TMEM135: variants seen among roughly 807,000 people sequenced by gnomAD.
The protein encoded by TMEM135 is transmembrane protein 135, also known as peroxisomal membrane protein 52.
Under a neutral mutation model 60.3 loss-of-function variants are expected in TMEM135, and 30 were observed. That is an observed-to-expected ratio of 0.50 (90% CI 0.37 to 0.68). TMEM135 has a LOEUF of 0.68. Ranked by LOEUF, TMEM135 falls within the 30% of genes least tolerant of loss-of-function variation. The pLI is 0.00. For missense variants in TMEM135, 468 were observed against 548.8 expected, an observed-to-expected ratio of 0.85 and a Z score of 1.47; for synonymous variants, 190 against 186.7, an observed-to-expected ratio of 1.02 and a Z score of -0.14.
chr11:87,221,065 G>T (rs1188123388), intron 5 of TMEM135, among the ~76,000 whole-genome samples: 2 of 152,100 alleles, frequency 1.3e-5, no homozygotes, highest in Non-Finnish European at 1.5e-5. Flanking sequence ...AAGGTAATTT[G>T]TTCAATTCTT....
At chr11:87,052,666 A>G (rs1468314952) in intron 1 of TMEM135, among the ~76,000 whole-genome samples, 1 of 106,942 alleles carries the variant, frequency 9.4e-6, no homozygotes, top group Non-Finnish European at 1.9e-5. Context: ...AGGAAACAAC[A>G]GGTGCTGGAA....
At chr11:87,246,062 C>T (rs1380581290) in intron 6 of TMEM135, among the ~76,000 whole-genome samples, 4 of 145,436 alleles carry the variant, frequency 2.8e-5, no homozygotes, top group Non-Finnish European at 4.5e-5. Flanking sequence ...GACAAAATCT[C>T]TCGGCATTTG....
chr11:87,184,023 C>T (rs996814861), intron 5 of TMEM135, among the ~76,000 whole-genome samples: 2 of 149,512 alleles, frequency 1.3e-5, no homozygotes, highest in Non-Finnish European at 3.0e-5. Flanking sequence ...TCTAAGAGCA[C>T]GTTCAGTGAA....
In TMEM135 at chr11:87,129,213, ATTTTTTTTTTTTTTTTTTTTTTT is replaced by A. The variant is rs71040295; in HGVS notation, c.397-28103_397-28081del. 4.3e-3 allele frequency among the ~76,000 whole-genome samples: 498 copies of A among 116,042 alleles called. 2 individuals are homozygous for A. Among genetic ancestry groups the A allele is most frequent in the Admixed American group, 6.6e-3 (82 of 12,452 alleles). The allele number at this position is 116,042 out of a possible 152,430, so 76.1% of individuals were successfully genotyped here. A position where few individuals can be genotyped will look rare whatever the true frequency, so the allele number is the denominator to read the frequency against. Reference sequence around the variant, plus strand: ...TTCTATACATGTTCCTTATTCCTTAATTTTTTTTTTTTTTTTTTTTTTTTTTTTTTTTTTTTTTTTTTTTTTTG... The same window carrying A: ...TTCTATACATGTTCCTTATTCCTTAATTTTTTTTTTTTTTTTTTTTTTTTG... On this transcript the variant is annotated intron_variant, in intron 4 of 14. Coordinates refer to ENST00000305494, the MANE Select transcript of TMEM135 (RefSeq NM_022918.4).
At chr11:87,247,644 T>C (rs1466460390) in intron 6 of TMEM135, among the ~76,000 whole-genome samples, 2 of 152,156 alleles carry the variant, frequency 1.3e-5, no homozygotes, top group African/African-American at 4.8e-5. Context: ...TCCGTGGGCG[T>C]AGGACCCTCC....
At chr11:87,106,071 A>G (rs896850684) in intron 4 of TMEM135, among the ~76,000 whole-genome samples, 1 of 150,510 alleles carries the variant, frequency 6.6e-6, no homozygotes, top group Admixed American at 6.6e-5. Flanking sequence ...AATGATCTCC[A>G]GTTCCATCTG....
intron 5 of TMEM135, among the ~76,000 whole-genome samples, chr11:87,228,109 T>C (rs1156580230): frequency 1.3e-5 from 2 of 152,170 alleles, no homozygotes; most frequent in African/African-American, 2.4e-5. Flanking sequence ...GTGCCACCTA[T>C]AGGATGAAGT....
chr11:87,120,166 G>A (rs181573874), intron 4 of TMEM135, among the ~76,000 whole-genome samples: 54 of 147,304 alleles, frequency 3.7e-4, no homozygotes, highest in African/African-American at 1.4e-3. Flanking sequence ...AGGCTGGGGT[G>A]CAGTGGTGCA....
chr11:87,055,466 G>T (rs938919514), intron 1 of TMEM135, among the ~76,000 whole-genome samples: 1 of 152,122 alleles, frequency 6.6e-6, no homozygotes, highest in Admixed American at 6.5e-5. Flanking sequence ...TTAAATTATA[G>T]TAGTCAGAAA....
chr11:87,066,286 G>T (rs898856666), intron 1 of TMEM135, among the ~76,000 whole-genome samples: 1 of 151,928 alleles, frequency 6.6e-6, no homozygotes, highest in Non-Finnish European at 1.5e-5. Context: ...TCTTTTCTAC[G>T]ACTAGTGAGG....
At chr11:87,243,564 T>C (rs1941189676) in intron 6 of TMEM135, among the ~76,000 whole-genome samples, 1 of 94,906 alleles carries the variant, frequency 1.1e-5, no homozygotes, top group Non-Finnish European at 2.5e-5. Flanking sequence ...GAAGAGGTCC[T>C]TCATGTCCCT....
chr11:87,315,976 C>T (rs1002427080), intron 12 of TMEM135, among the ~76,000 whole-genome samples: 4 of 151,816 alleles, frequency 2.6e-5, no homozygotes, highest in African/African-American at 9.7e-5. Flanking sequence ...CAATATATTC[C>T]GGGCTCATCT....
intron 5 of TMEM135, among the ~76,000 whole-genome samples, chr11:87,182,388 T>C (rs190645249): frequency 6.6e-6 from 1 of 152,252 alleles, no homozygotes; most frequent in African/African-American, 2.4e-5. Flanking sequence ...TTGAATATAA[T>C]CTGTAATAAT....
intron 5 of TMEM135, among the ~76,000 whole-genome samples, chr11:87,177,873 G>A (rs1259409069): frequency 6.6e-6 from 1 of 152,060 alleles, no homozygotes; most frequent in East Asian, 1.9e-4. Flanking sequence ...AAATGTATAG[G>A]TTCAGTAATT....
chr11:87,066,598 CAAAAAA>C (rs34204350), intron 1 of TMEM135, among the ~76,000 whole-genome samples: 28 of 121,290 alleles, frequency 2.3e-4, no homozygotes, highest in Non-Finnish European at 3.1e-4. Flanking sequence ...CAGAGTTCAC[CAAAAAA>C]AAAAAAAAAA....
At chr11:87,122,252 A>C (rs1056136768) in intron 4 of TMEM135, among the ~76,000 whole-genome samples, 2 of 150,418 alleles carry the variant, frequency 1.3e-5, no homozygotes, top group Non-Finnish European at 3.0e-5. Flanking sequence ...GCTGTCATCT[A>C]AGTTATTTCG....
In TMEM135 at chr11:87,084,334, A is replaced by C. The variant is rs144935964; in HGVS notation, c.363-7028A>C. On this transcript the variant is annotated intron_variant, in intron 3 of 14. Coordinates refer to ENST00000305494, the MANE Select transcript of TMEM135 (RefSeq NM_022918.4). ...GGTTCTTTTTTTTTTTTTGAGACAGAGTTTCACTTGTCATCTAGGCTAGAG... is the reference window on the plus strand; with the variant it reads ...GGTTCTTTTTTTTTTTTTGAGACAGCGTTTCACTTGTCATCTAGGCTAGAG... 2.4e-3 allele frequency among the ~76,000 whole-genome samples: 356 copies of C among 150,342 alleles called. 1 individual carries two copies. The highest frequency in any genetic ancestry group is 8.5e-3 in the African/African-American group (348 of 40,898).
At chr11:87,221,361 T>C (rs1309403172) in intron 5 of TMEM135, among the ~76,000 whole-genome samples, 2 of 152,194 alleles carry the variant, frequency 1.3e-5, no homozygotes, top group Non-Finnish European at 2.9e-5. Context: ...CTTCCTTTGG[T>C]AAGAGGATTC....
chr11:87,248,894 A>T (rs1941354111), intron 6 of TMEM135, among the ~76,000 whole-genome samples: 1 of 151,864 alleles, frequency 6.6e-6, no homozygotes, highest in African/African-American at 2.4e-5. Context: ...TACTTTCTTG[A>T]TTTATTTTTC....
Sources: allele counts gnomAD v4.1 joint callset (sites outside exome capture counted in the v4.1 genomes callset), GRCh38; gene constraint gnomAD v4.1.1; transcripts MANE v1.5; gene names NCBI Gene and HGNC (gene_info 2026-07-23, HGNC 2026-07-21).